Variants in MACC1 observed in about 807,000 individuals in gnomAD.
MACC1 encodes the protein MET transcriptional regulator MACC1.
MACC1 carries 79 observed loss-of-function variants against 70.7 expected under a neutral mutation model. The ratio of observed to expected loss-of-function variants is 1.12; its 90% CI spans 0.93 to 1.35. The LOEUF is 1.35. Among genes scored for constraint, MACC1 ranks in the 40% most tolerant of loss-of-function variants. The pLI is 0.00. For missense variants in MACC1, 1,106 were observed against 978.1 expected (o/e 1.13, Z -1.74); for synonymous variants, 361 against 347.2 (o/e 1.04, Z -0.44).
At chr7:20,212,789 A>G (rs960914892) in intron 1 of MACC1, among the ~76,000 whole-genome samples, 2 of 152,028 alleles carry the variant, frequency 1.3e-5, no homozygotes, top group African/African-American at 4.8e-5. Flanking sequence ...CTTCTCTCAG[A>G]CCACCAAGCT....
chr7:20,211,833 T>C (rs1224192865), intron 1 of MACC1, among the ~76,000 whole-genome samples: 2 of 152,186 alleles, frequency 1.3e-5, no homozygotes, highest in African/African-American at 2.4e-5. Context: ...TAGTACTACT[T>C]ATGATAGCAA....
intron 1 of MACC1, among the ~76,000 whole-genome samples, chr7:20,202,479 A>T (rs1782846984): frequency 6.6e-6 from 1 of 152,200 alleles, no homozygotes; most frequent in Non-Finnish European, 1.5e-5. Flanking sequence ...GAGGAAAGAA[A>T]ATGGGACCCG....
chr7:20,179,825 C>T (rs1782472198), intron 1 of MACC1, among the ~76,000 whole-genome samples: 1 of 152,222 alleles, frequency 6.6e-6, no homozygotes, highest in Admixed American at 6.5e-5. Context: ...AATCTACTTA[C>T]TAAAGCCAAA....
rs565306704 is a variant in MACC1 at position 20,179,746 on chromosome 7, T to A, written c.-217-8968A>T. Among the ~76,000 whole-genome samples, 16 of 152,196 alleles carry A rather than the reference T, an allele frequency of 1.1e-4. No individual in the cohort carries two copies. The East Asian group carries it at 3.1e-3, about 29-fold the overall frequency. On this transcript the variant is annotated intron_variant, in intron 1 of 6. Coordinates refer to ENST00000400331, the MANE Select transcript of MACC1 (RefSeq NM_182762.4). ...ATTTGGGGGTTAAGGGTAGCTGACA[T>A]CAACCAGTGGTTTCAACCAACAAAT...
chr7:20,184,474 T>C lies in MACC1; in HGVS notation c.-217-13696A>G, dbSNP rs534022236. Among the ~76,000 whole-genome samples the C allele has an allele frequency of 2.8e-3, 422 of 152,334 alleles. 1 individual carries two copies. Among genetic ancestry groups the C allele is most frequent in the Non-Finnish European group, 4.9e-3 (333 of 68,030 alleles). On this transcript the variant is annotated intron_variant, in intron 1 of 6. Transcript: ENST00000400331. ...ACTTGCAAAACTCCTTTTTTCTTTCTCATTATCAAATAAACTCTTAGCTAA... is the reference window on the plus strand; with the variant it reads ...ACTTGCAAAACTCCTTTTTTCTTTCCCATTATCAAATAAACTCTTAGCTAA...
intron 1 of MACC1, among the ~76,000 whole-genome samples, chr7:20,200,046 C>CATATGTATGTATATATACATACATAT (rs1173742982): frequency 5.6e-4 from 83 of 148,484 alleles, no homozygotes; most frequent in African/African-American, 1.1e-3. Context: ...TGTGTGTGTA[C>CATATGTATGTATATATACATACATAT]ATATGTATGT....
At chr7:20,201,641 A>G (rs1380742257) in intron 1 of MACC1, among the ~76,000 whole-genome samples, 1 of 152,216 alleles carries the variant, frequency 6.6e-6, no homozygotes, top group Non-Finnish European at 1.5e-5. Flanking sequence ...GGAAGGTGGA[A>G]AGCAAAAGTT....
intron 1 of MACC1, among the ~76,000 whole-genome samples, chr7:20,181,698 AT>A (rs1266037835): frequency 1.3e-5 from 2 of 152,176 alleles, no homozygotes; most frequent in African/African-American, 4.8e-5. Flanking sequence ...TATTAAAAAC[AT>A]TTGCATTTTA....
intron 1 of MACC1, among the ~76,000 whole-genome samples, chr7:20,196,853 A>G (rs927642194): frequency 5.3e-5 from 8 of 152,182 alleles, no homozygotes; most frequent in African/African-American, 1.9e-4. Context: ...AAAGGATCAA[A>G]GCCCACAAAC....
intron 5 of MACC1, among the ~76,000 whole-genome samples, chr7:20,155,325 T>C (rs749191177): frequency 6.6e-6 from 1 of 152,238 alleles, no homozygotes. Flanking sequence ...TTATACACAC[T>C]GTGTTTTTTC....
At chr7:20,215,264 A>G (rs1783052834) in intron 1 of MACC1, among the ~76,000 whole-genome samples, 1 of 152,166 alleles carries the variant, frequency 6.6e-6, no homozygotes, top group Admixed American at 6.6e-5. Flanking sequence ...ACTATTTATG[A>G]GGTCATATCT....
chr7:20,214,058 G>A (rs1186323632), intron 1 of MACC1, among the ~76,000 whole-genome samples: 1 of 151,618 alleles, frequency 6.6e-6, no homozygotes, highest in African/African-American at 2.4e-5. Context: ...TTCATGTTCA[G>A]CTTATTGAAA....
rs369789790 is a variant in MACC1 at position 20,159,437 on chromosome 7, C to T, written c.924G>A (p.Met308Ile). Residue 308 changes from methionine (M) to isoleucine (I), a missense_variant, in exon 5 of 7, where the codon ATG becomes ATA. By Grantham distance (10) the Met-to-Ile change is conservative. Transcript: ENST00000400331. ...CTTTACCCAAGCTGTGTAAACACAC[C>T]ATTTCTGTCATGACTTGGCTGAAAG... is the stretch of plus-strand genomic sequence containing the variant. ...KDPFSQVMTE[M>I]VCLHSLGKEG... The T allele has an allele frequency of 1.4e-5, 23 of 1,613,824 alleles. No homozygotes were observed. The African/African-American group carries it at 2.5e-4, about 18-fold the overall frequency.
chr7:20,145,552 T>A (rs7795578), intron 6 of MACC1, among the ~76,000 whole-genome samples: 107,743 of 151,954 alleles, frequency 0.71, 39,929 homozygotes, highest in East Asian at 0.99. Context: ...AGAAAAAAAA[T>A]TTTTAAAGTA....
chr7:20,200,315 A>T (rs1782815107), intron 1 of MACC1, among the ~76,000 whole-genome samples: 1 of 152,170 alleles, frequency 6.6e-6, no homozygotes, highest in Non-Finnish European at 1.5e-5. Context: ...AGATAAAGAG[A>T]TAACAGTTAT....
intron 2 of MACC1, among the ~76,000 whole-genome samples, chr7:20,166,357 A>G (rs1225244766): frequency 6.6e-6 from 1 of 152,160 alleles, no homozygotes; most frequent in South Asian, 2.1e-4. Context: ...GTATTTTTTT[A>G]AAAAGGCCCA....
At chr7:20,165,598 T>C (rs1286659542) in intron 2 of MACC1, among the ~76,000 whole-genome samples, 1 of 152,162 alleles carries the variant, frequency 6.6e-6, no homozygotes, top group East Asian at 1.9e-4. Flanking sequence ...ATTGCTTGTT[T>C]ACACAGGTGC....
At chr7:20,152,676 G>GCAC (rs1781998159) in intron 6 of MACC1, among the ~76,000 whole-genome samples, 1 of 152,162 alleles carries the variant, frequency 6.6e-6, no homozygotes, top group Non-Finnish European at 1.5e-5. Flanking sequence ...AGTCATTTAT[G>GCAC]ATTTGGGCTG....
At chr7:20,209,059 G>T (rs1164415764) in intron 1 of MACC1, among the ~76,000 whole-genome samples, 1 of 152,188 alleles carries the variant, frequency 6.6e-6, no homozygotes, top group South Asian at 2.1e-4. Flanking sequence ...AGATTTTAAA[G>T]GATGTATGGA....
Sources: allele counts gnomAD v4.1 joint callset (sites outside exome capture counted in the v4.1 genomes callset), GRCh38; gene constraint gnomAD v4.1.1; transcripts MANE v1.5; gene names NCBI Gene and HGNC (gene_info 2026-07-23, HGNC 2026-07-21).